The following DAPK2 variants were observed in gnomAD, a reference collection of about 807,000 sequenced individuals.
DAPK2 encodes the protein death-associated protein kinase 2.
DAPK2 carries 35 observed loss-of-function variants against 44.1 expected under a neutral mutation model. The observed-to-expected ratio is 0.79, with a 90% CI of 0.61 to 1.05. DAPK2 has a LOEUF of 1.05. Ranked by LOEUF, DAPK2 falls within the 50% of genes least tolerant of loss-of-function variation. The pLI is 0.00. For missense variants in DAPK2, 453 were observed against 483.2 expected, an observed-to-expected ratio of 0.94 and a Z score of 0.59; for synonymous variants, 174 against 182.6, an observed-to-expected ratio of 0.95 and a Z score of 0.38.
intron 1 of DAPK2, among the ~76,000 whole-genome samples, chr15:63,986,910 C>T (rs2078682677): frequency 1.3e-5 from 2 of 152,130 alleles, no homozygotes. Context: ...GAAACTATAC[C>T]ACTGTTACTC....
intron 2 of DAPK2, among the ~76,000 whole-genome samples, chr15:63,975,830 GCAATCCGTCCA>G (rs2078331231): frequency 2.0e-5 from 3 of 152,134 alleles, no homozygotes; most frequent in African/African-American, 7.2e-5. Flanking sequence ...CTGACCTCAA[GCAATCCGTCCA>G]CCTCAGCCTC....
upstream of DAPK2, among the ~76,000 whole-genome samples, chr15:64,041,287 T>A (rs2080347864): frequency 6.6e-6 from 1 of 152,210 alleles, no homozygotes; most frequent in Admixed American, 6.5e-5. Flanking sequence ...TGTGATCTCC[T>A]TTCTTGTCAG....
chr15:64,016,200 T>G (rs1373025173), intron 1 of DAPK2, among the ~76,000 whole-genome samples: 1 of 152,226 alleles, frequency 6.6e-6, no homozygotes, highest in South Asian at 2.1e-4. Context: ...CTCTTACAGA[T>G]TCTCTGCCCA....
In DAPK2 at chr15:64,029,523, G is replaced by A. The variant is rs182861887; in HGVS notation, c.92+10647C>T. On this transcript the variant is annotated intron_variant, in intron 1 of 10. Transcript: ENST00000261891. The stretch of plus-strand genomic sequence containing the variant: ...GCCCAGGGTGATAGCTTCCTCCTCC[G>A]ATCTCCTGGAATGTGTTTTTGGGTC... Among the ~76,000 whole-genome samples the A allele has an allele frequency of 1.8e-4, 27 of 152,222 alleles. No individual in the cohort carries two copies. In the East Asian group the frequency reaches 4.3e-3, roughly 24 times the overall value.
chr15:64,002,974 C>CTGTGTGTGTGTGTGTGTGTGTGTG (rs58879927), intron 1 of DAPK2, among the ~76,000 whole-genome samples: 1 of 51,594 alleles, frequency 1.9e-5, no homozygotes, highest in Non-Finnish European at 4.7e-5. Context: ...GTCGTGGGAC[C>CTGTGTGTGTGTGTGTGTGTGTGTG]TGTGTGTGTG....
At chr15:63,945,425 C>G (rs1036597826) in intron 3 of DAPK2, among the ~76,000 whole-genome samples, 16 of 152,180 alleles carry the variant, frequency 1.1e-4, no homozygotes, top group Non-Finnish European at 2.4e-4. Context: ...AGAGGCTCCT[C>G]CTTTTCTGCC....
chr15:63,930,960 A>C (rs2079532384), intron 4 of DAPK2, among the ~76,000 whole-genome samples: 1 of 152,154 alleles, frequency 6.6e-6, no homozygotes, highest in South Asian at 2.1e-4. Context: ...ACTTGGGAAG[A>C]GGCTGAGGTG....
At chr15:63,971,365 G>C in intron 3 of DAPK2, 58 bp downstream of exon 4, 2 of 1,595,966 alleles carry the variant, frequency 1.3e-6, no homozygotes, top group Non-Finnish European at 8.6e-7. Context: ...AAGACACCAG[G>C]AGGGACTAAG....
rs1253340622 is a variant in DAPK2, at chr15:64,013,879, C to T, written c.92+26291G>A. 6.6e-6 allele frequency among the ~76,000 whole-genome samples: 1 copy of T among 152,202 alleles called. No homozygotes were observed. The highest frequency in any genetic ancestry group is 2.4e-5 in the African/African-American group (1 of 41,458). ...TGCCATTATGAGCAGATAGAAATCT[C>T]CTGCTTCAGGACTAATTAGTCATTT... On this transcript the variant is annotated intron_variant, in intron 1 of 10. Transcript: ENST00000261891. The surrounding 1 kb of genome is among the most constrained non-coding windows in gnomAD (Gnocchi z 4.7).
chr15:64,042,391 G>A (rs1214469690), upstream of DAPK2, among the ~76,000 whole-genome samples: 2 of 152,116 alleles, frequency 1.3e-5, no homozygotes, highest in Non-Finnish European at 2.9e-5. This position sits in a 1 kb window ranked among gnomAD's most constrained non-coding sequence, Gnocchi z 4.7. Flanking sequence ...ATTTGGGTCA[G>A]GTCCTGCAGG....
intron 1 of DAPK2, among the ~76,000 whole-genome samples, chr15:64,030,698 C>T (rs2141140201): frequency 6.6e-6 from 1 of 152,174 alleles, no homozygotes; most frequent in African/African-American, 2.4e-5. Flanking sequence ...TGAAGAATCT[C>T]CTGGATTGAT....
At position 63,925,678 on chromosome 15, in the gene DAPK2, G is replaced by GCGCA. The variant is rs1352051474; in HGVS notation, c.812+262_812+263insTGCG. On this transcript the variant is annotated intron_variant, in intron 7 of 10. Transcript: ENST00000261891. ...AAAGAAACCCAGGCTGACTTGTAGC[G>GCGCA]CACACACACACACACACACACACAC... 4.1e-3 allele frequency among the ~76,000 whole-genome samples: 565 copies of GCGCA among 138,528 alleles called. 3 individuals are homozygous for GCGCA. Among genetic ancestry groups the GCGCA allele is most frequent in the Middle Eastern group, 0.015 (4 of 274 alleles). The allele number at this position is 138,528 out of a possible 152,430, so 90.9% of individuals were successfully genotyped here.
chr15:63,944,492 C>T (rs953355369), intron 3 of DAPK2, among the ~76,000 whole-genome samples: 2 of 152,172 alleles, frequency 1.3e-5, no homozygotes, highest in African/African-American at 4.8e-5. Context: ...CTGATGACAG[C>T]CAGGACAGAG....
intron 4 of DAPK2, chr15:63,932,466 C>CAAAAA (rs61026642): frequency 2.8e-3 from 191 of 68,126 alleles, no homozygotes; most frequent in African/African-American, 4.3e-3. Context: ...AACTCCGTCT[C>CAAAAA]AAAAAAAAAA....
chr15:63,920,036 T>C (rs1595703229), intron 8 of DAPK2: 2 of 152,360 alleles, frequency 1.3e-5, no homozygotes, highest in African/African-American at 4.8e-5. Flanking sequence ...ATGGAGCTTT[T>C]GCCATCTTTC....
chr15:64,021,334 C>A (rs185212076), intron 1 of DAPK2, among the ~76,000 whole-genome samples: 121 of 152,348 alleles, frequency 7.9e-4, no homozygotes, highest in African/African-American at 2.9e-3. Context: ...GGATGTCAAG[C>A]AGCTCTGCAC....
At chr15:64,016,090 G>A (rs939940952) in intron 1 of DAPK2, among the ~76,000 whole-genome samples, 1 of 152,184 alleles carries the variant, frequency 6.6e-6, no homozygotes, top group Non-Finnish European at 1.5e-5. Context: ...CCCACGCAGC[G>A]CAGGGAGGGC....
chr15:63,920,809 C>T (rs2079051407), intron 8 of DAPK2: 4 of 152,410 alleles, frequency 2.6e-5, no homozygotes, highest in Admixed American at 2.6e-4. Flanking sequence ...GTCATTTCCG[C>T]ACTGTATTCC....
rs561300882 is a variant in DAPK2 at position 63,961,533 on chromosome 15, G to A, written c.453+9890C>T. Among the ~76,000 whole-genome samples the A allele has an allele frequency of 7.2e-5, 11 of 152,298 alleles. No homozygotes were observed. In the East Asian group the frequency reaches 1.9e-3, roughly 27 times the overall value. The stretch of plus-strand genomic sequence containing the variant: ...TCCTTCAGGAGCTCTTGTAAGGCAG[G>A]CCTGGTGGTGACAACATCTCTCAGC... On this transcript the variant is annotated intron_variant, in intron 3 of 10. Transcript: ENST00000261891.
Sources: allele counts gnomAD v4.1 joint callset (sites outside exome capture counted in the v4.1 genomes callset), GRCh38; gene constraint gnomAD v4.1.1; non-coding constraint Gnocchi (gnomAD v3.1); transcripts MANE v1.5; gene names NCBI Gene and HGNC (gene_info 2026-07-23, HGNC 2026-07-21).